Variants in EXOC6B observed in about 807,000 individuals in gnomAD.
EXOC6B encodes exocyst complex component 6B.
Under a neutral mutation model 113.5 loss-of-function variants are expected in EXOC6B, and 54 were observed. That is an observed-to-expected ratio of 0.48 (90% CI 0.38 to 0.60). The LOEUF (loss-of-function observed/expected upper bound fraction) is 0.60, where lower values mean the gene tolerates loss of function less well. Ranked by LOEUF, EXOC6B falls within the 20% of genes least tolerant of loss-of-function variation. The pLI, the probability that EXOC6B is intolerant of heterozygous loss-of-function variation, is 0.00. For missense variants in EXOC6B, 797 were observed against 977.5 expected, an observed-to-expected ratio of 0.82 and a Z score of 2.46; for synonymous variants, 357 against 339.0, an observed-to-expected ratio of 1.05 and a Z score of -0.58.
chr2:72,719,761 G>T (rs953379160), intron 5 of EXOC6B, among the ~76,000 whole-genome samples: 12 of 152,162 alleles, frequency 7.9e-5, no homozygotes, highest in African/African-American at 2.7e-4. Flanking sequence ...CTTGCTAGCA[G>T]ACCTGCCTTA....
intron 1 of EXOC6B, among the ~76,000 whole-genome samples, chr2:72,805,075 TCTC>T (rs1481265719): frequency 6.6e-6 from 1 of 152,312 alleles, no homozygotes; most frequent in African/African-American, 2.4e-5. Flanking sequence ...GAGAAATTTC[TCTC>T]CTCCTATCAA....
intron 18 of EXOC6B, among the ~76,000 whole-genome samples, chr2:72,425,036 G>C (rs1055816850): frequency 6.6e-6 from 1 of 152,056 alleles, no homozygotes; most frequent in African/African-American, 2.4e-5. Context: ...TCTCCTCTAT[G>C]TGTCCATGTG....
chr2:72,199,719 C>A (rs143708668), intron 20 of EXOC6B, among the ~76,000 whole-genome samples: 152 of 152,290 alleles, frequency 1.0e-3, no homozygotes, highest in Non-Finnish European at 1.9e-3. Flanking sequence ...AGGGATCAAG[C>A]ATCCTACATG....
At chr2:72,681,413 T>G (rs1676694644) in intron 6 of EXOC6B, among the ~76,000 whole-genome samples, 1 of 152,204 alleles carries the variant, frequency 6.6e-6, no homozygotes, top group Non-Finnish European at 1.5e-5. Flanking sequence ...TATTAGGTTT[T>G]AAGTCTTAGA....
chr2:72,579,712 A>G (rs1705079651), intron 6 of EXOC6B, among the ~76,000 whole-genome samples: 1 of 152,204 alleles, frequency 6.6e-6, no homozygotes, highest in Admixed American at 6.5e-5. Flanking sequence ...AGACTCAGAG[A>G]GTTAAAAATA....
chr2:72,493,995 A>G (rs1386957346), intron 15 of EXOC6B, among the ~76,000 whole-genome samples: 7 of 152,162 alleles, frequency 4.6e-5, no homozygotes, highest in Admixed American at 4.6e-4. Flanking sequence ...CCAAGTTATA[A>G]GGTAAACATA....
Position 72,741,399 on chromosome 2 carries a change from G to A in EXOC6B, c.184C>T (p.Arg62Ter). ...AAGTTGCACATTTTCTCAATTTCTC[G>A]GTCGTGATTACGGATACGAGTTTCA... is the stretch of plus-strand genomic sequence containing the variant. ...KLETRIRNHD[R>*]EIEKMCNFHY... The change falls in exon 2 of 22, where the codon CGA (arginine) becomes TGA (stop). Residue 62 changes from arginine (R) to a stop codon, truncating the protein, a stop_gained. Transcript: ENST00000272427. LOFTEE classifies it high-confidence loss of function. 1.2e-6 allele frequency: 2 copies of A among 1,613,446 alleles called. No individual in the cohort carries two copies. Among genetic ancestry groups the A allele is most frequent in the Non-Finnish European group, 1.7e-6 (2 of 1,179,752 alleles).
intron 8 of EXOC6B, among the ~76,000 whole-genome samples, chr2:72,516,154 T>C (rs1701201814): frequency 6.6e-6 from 1 of 152,216 alleles, no homozygotes; most frequent in Non-Finnish European, 1.5e-5. Context: ...ACTCAGTTTA[T>C]GGGGCCTTGT....
At chr2:72,254,929 G>T (rs554488298) in intron 20 of EXOC6B, among the ~76,000 whole-genome samples, 8 of 152,224 alleles carry the variant, frequency 5.3e-5, no homozygotes, top group African/African-American at 1.7e-4. Flanking sequence ...GAGATAAATT[G>T]AAAAAGGAAA....
At chr2:72,407,873 G>C (rs1488920892) in intron 18 of EXOC6B, among the ~76,000 whole-genome samples, 3 of 152,200 alleles carry the variant, frequency 2.0e-5, no homozygotes, top group African/African-American at 7.2e-5. Context: ...AGGGCAATCA[G>C]ACAGGAGAAG....
chr2:72,355,236 T>C (rs1001012446), intron 19 of EXOC6B, among the ~76,000 whole-genome samples: 6 of 152,168 alleles, frequency 3.9e-5, no homozygotes, highest in South Asian at 2.1e-4. Context: ...ATATATATAA[T>C]TGCCAACTTA....
chr2:72,333,683 C>A (rs1688529305), intron 20 of EXOC6B, among the ~76,000 whole-genome samples: 1 of 152,068 alleles, frequency 6.6e-6, no homozygotes, highest in South Asian at 2.1e-4. Context: ...CCTTAATGTG[C>A]AAGAGAACCC....
chr2:72,307,161 G>GTTTTTGTTTTTTGTTTTTT (rs758906963), intron 20 of EXOC6B, among the ~76,000 whole-genome samples: 7 of 128,514 alleles, frequency 5.4e-5, no homozygotes, highest in African/African-American at 2.3e-4. Context: ...GTATAGTCCA[G>GTTTTTGTTTTTTGTTTTTT]TTTTTTTTTT....
At chr2:72,363,936 G>C (rs972531488) in intron 19 of EXOC6B, among the ~76,000 whole-genome samples, 8 of 151,922 alleles carry the variant, frequency 5.3e-5, no homozygotes, top group Non-Finnish European at 8.8e-5. Context: ...CTATGCATTT[G>C]GGACCTAAGA....
intron 1 of EXOC6B, among the ~76,000 whole-genome samples, chr2:72,777,874 G>C (rs1017112698): frequency 6.6e-6 from 1 of 152,072 alleles, no homozygotes; most frequent in Non-Finnish European, 1.5e-5. Flanking sequence ...TATCAAACCA[G>C]ATATTCATAA....
At chr2:72,293,801 T>G (rs1685956388) in intron 20 of EXOC6B, among the ~76,000 whole-genome samples, 1 of 152,236 alleles carries the variant, frequency 6.6e-6, no homozygotes, top group South Asian at 2.1e-4. Flanking sequence ...CAAACCCAAG[T>G]AGACAAGACC....
intron 18 of EXOC6B, among the ~76,000 whole-genome samples, chr2:72,394,769 T>C (rs542301630): frequency 1.3e-5 from 2 of 152,270 alleles, no homozygotes; most frequent in East Asian, 3.9e-4. Context: ...AAGGTCATGA[T>C]GAAATAATCT....
chr2:72,279,806 G>T (rs969546123), intron 20 of EXOC6B, among the ~76,000 whole-genome samples: 12 of 151,114 alleles, frequency 7.9e-5, no homozygotes, highest in African/African-American at 2.4e-4. Context: ...TTTTGTTGTT[G>T]TTGTTTTTGT....
intron 20 of EXOC6B, among the ~76,000 whole-genome samples, chr2:72,218,354 A>C (rs1040419821): frequency 6.6e-6 from 1 of 152,168 alleles, no homozygotes; most frequent in Non-Finnish European, 1.5e-5. Flanking sequence ...GAATTCTTTG[A>C]TCCTGTCTTA....
Sources: allele counts gnomAD v4.1 joint callset (sites outside exome capture counted in the v4.1 genomes callset), GRCh38; gene constraint gnomAD v4.1.1; transcripts MANE v1.5; gene names NCBI Gene and HGNC (gene_info 2026-07-23, HGNC 2026-07-21).